TTC28: variants seen among roughly 807,000 people sequenced by gnomAD.
TTC28 encodes the protein tetratricopeptide repeat domain 28.
Under a neutral mutation model 198.0 loss-of-function variants are expected in TTC28, and 61 were observed. The observed-to-expected ratio is 0.31, with a 90% confidence interval of 0.25 to 0.38. The LOEUF (loss-of-function observed/expected upper bound fraction) is 0.38, where lower values mean the gene tolerates loss of function less well. Ranked by LOEUF, TTC28 falls within the 10% of genes least tolerant of loss-of-function variation. TTC28 has a pLI of 1.00. For synonymous variants in TTC28, 1,171 were observed against 1,297.8 expected (o/e 0.90, Z 2.10); for missense variants, 2,678 against 3,164.0 (o/e 0.85, Z 3.69).
chr22:28,532,688 A>G (rs936416700), intron 2 of TTC28, among the ~76,000 whole-genome samples: 1 of 152,212 alleles, frequency 6.6e-6, no homozygotes, highest in Non-Finnish European at 1.5e-5. Context: ...ATCCAGCAGC[A>G]TATCAAAAGG....
chr22:28,256,181 G>A (rs2147286103), intron 5 of TTC28, among the ~76,000 whole-genome samples: 1 of 152,110 alleles, frequency 6.6e-6, no homozygotes, highest in South Asian at 2.1e-4. Flanking sequence ...CAGCACTTTG[G>A]GAGGCTGAGG....
At chr22:28,001,172 A>C in intron 15 of TTC28, 1 of 570,506 alleles carries the variant, frequency 1.8e-6, no homozygotes, top group Non-Finnish European at 3.0e-6. Context: ...GCAGCAAAGA[A>C]TGGCCAGGGG....
In TTC28 at chr22:27,998,553, G is replaced by A; in HGVS notation, c.5106C>T (p.Pro1702=). Residue 1702 remains proline (P), a synonymous_variant, in exon 16 of 23, where the codon CCC becomes CCT. Coordinates refer to ENST00000397906, the MANE Select transcript of TTC28 (RefSeq NM_001145418.2). ...CCGAACTCCCACCTGCCCAGTTGGA[G>A]GGGTGCGAGAAGGCCTTGCTGCTCT... ...VVQSSKAFSH[P]SNWAGFMLIG... is the part of the protein sequence containing the mutation. 1 of 1,549,736 alleles carries A rather than the reference G, an allele frequency of 6.5e-7. No individual in the cohort carries two copies. Among genetic ancestry groups the A allele is most frequent in the Non-Finnish European group, 8.7e-7 (1 of 1,146,420 alleles).
intron 13 of TTC28, among the ~76,000 whole-genome samples, chr22:28,023,063 G>A (rs1181847062): frequency 6.6e-6 from 1 of 152,246 alleles, no homozygotes; most frequent in Admixed American, 6.5e-5. Context: ...GGTGGTGCCT[G>A]GCTCCTCTCA....
intron 2 of TTC28, among the ~76,000 whole-genome samples, chr22:28,564,232 A>G (rs1358244657): frequency 6.6e-6 from 1 of 152,184 alleles, no homozygotes; most frequent in Non-Finnish European, 1.5e-5. Context: ...TTGTGAATAC[A>G]CTAAATCCCA....
intron 2 of TTC28, among the ~76,000 whole-genome samples, chr22:28,327,183 CATAA>C (rs2045546202): frequency 6.6e-6 from 1 of 152,078 alleles, no homozygotes; most frequent in Non-Finnish European, 1.5e-5. Context: ...TGTGACTAGA[CATAA>C]ATAATGAATA....
At chr22:28,194,858 C>A (rs1190801316) in intron 5 of TTC28, among the ~76,000 whole-genome samples, 2 of 90,980 alleles carry the variant, frequency 2.2e-5, no homozygotes, top group Non-Finnish European at 4.3e-5. Context: ...ACCAGAGGTA[C>A]AAAGAGGAGT....
chr22:28,218,957 TAAA>T (rs879910239), intron 5 of TTC28, among the ~76,000 whole-genome samples: 3 of 128,020 alleles, frequency 2.3e-5, no homozygotes, highest in South Asian at 4.9e-4. Flanking sequence ...ACCAACACAG[TAAA>T]AAAAAAAAAA....
intron 5 of TTC28, among the ~76,000 whole-genome samples, chr22:28,165,571 C>G (rs1480945021): frequency 6.6e-6 from 1 of 152,024 alleles, no homozygotes; most frequent in Non-Finnish European, 1.5e-5. Context: ...TCATATCCAG[C>G]CAAACTAAGC....
chr22:28,588,718 G>C (rs1353202423), intron 2 of TTC28, among the ~76,000 whole-genome samples: 2 of 152,194 alleles, frequency 1.3e-5, no homozygotes, highest in Non-Finnish European at 2.9e-5. Context: ...ATTTTCCTTT[G>C]CTCTGCAAAT....
chr22:28,133,569 C>T (rs748169597), intron 6 of TTC28, among the ~76,000 whole-genome samples: 17 of 152,212 alleles, frequency 1.1e-4, no homozygotes, highest in Admixed American at 2.6e-4. Context: ...TTATAACCCG[C>T]GCATGGCTCA....
chr22:28,675,146 C>T (rs2051962484), intron 1 of TTC28, among the ~76,000 whole-genome samples: 1 of 152,128 alleles, frequency 6.6e-6, no homozygotes, highest in East Asian at 1.9e-4. Context: ...GGAAAGGACA[C>T]TCTTTTCAAT....
At chr22:28,071,295 C>A (rs979310217) in intron 12 of TTC28, among the ~76,000 whole-genome samples, 1 of 151,688 alleles carries the variant, frequency 6.6e-6, no homozygotes, top group Middle Eastern at 3.4e-3. Flanking sequence ...ATGTTTATTG[C>A]GGCATTATTC....
chr22:28,018,649 G>A (rs577061495), intron 13 of TTC28, among the ~76,000 whole-genome samples: 1 of 152,172 alleles, frequency 6.6e-6, no homozygotes, highest in African/African-American at 2.4e-5. Context: ...ACATGTGGCT[G>A]GTCCCCACTG....
At chr22:28,336,129 G>A (rs1291762624) in intron 2 of TTC28, among the ~76,000 whole-genome samples, 1 of 152,170 alleles carries the variant, frequency 6.6e-6, no homozygotes. Flanking sequence ...CTGTTTATAT[G>A]CTGGATTACG....
chr22:28,481,395 A>G (rs2048244911), intron 2 of TTC28, among the ~76,000 whole-genome samples: 1 of 152,258 alleles, frequency 6.6e-6, no homozygotes, highest in Non-Finnish European at 1.5e-5. Context: ...AACTGAAAAG[A>G]GAATATGAGT....
At chr22:28,099,249 T>G (rs1461474439) in intron 9 of TTC28, among the ~76,000 whole-genome samples, 1 of 152,236 alleles carries the variant, frequency 6.6e-6, no homozygotes, top group Non-Finnish European at 1.5e-5. Flanking sequence ...CAGTCCAGCA[T>G]GACTCAGTGA....
chr22:28,038,320 G>T (rs1461191955), intron 12 of TTC28, among the ~76,000 whole-genome samples: 4 of 152,144 alleles, frequency 2.6e-5, no homozygotes, highest in South Asian at 2.1e-4. Context: ...CCAAAACAGA[G>T]ATATAGACCA....
intron 17 of TTC28, 102 bp from the exon 18 acceptor site, chr22:27,993,620 T>G: frequency 2.5e-6 from 3 of 1,216,188 alleles, no homozygotes; most frequent in Non-Finnish European, 2.3e-6. Flanking sequence ...CCAGGCTGAC[T>G]GCTGCAACCC....
Sources: allele counts gnomAD v4.1 joint callset (sites outside exome capture counted in the v4.1 genomes callset), GRCh38; gene constraint gnomAD v4.1.1; transcripts MANE v1.5; gene names NCBI Gene and HGNC (gene_info 2026-07-23, HGNC 2026-07-21).